The following HECW2 variants were observed in gnomAD, a reference collection of about 807,000 sequenced individuals.
The protein encoded by HECW2 is E3 ubiquitin-protein ligase HECW2.
In HECW2, 61 loss-of-function variants were observed where a neutral mutation model predicts 175.2. The observed-to-expected ratio is 0.35, with a 90% confidence interval of 0.28 to 0.43. The LOEUF is 0.43. HECW2 is among the 20% of genes least tolerant of loss of function. HECW2 has a pLI of 1.00. For missense variants in HECW2, 1,524 were observed against 2,000.5 expected (o/e 0.76, Z 4.54); for synonymous variants, 671 against 731.0 (o/e 0.92, Z 1.32).
At chr2:196,442,699 A>C (rs1696075124) in intron 1 of HECW2, among the ~76,000 whole-genome samples, 1 of 152,226 alleles carries the variant, frequency 6.6e-6, no homozygotes, top group Admixed American at 6.5e-5. Flanking sequence ...TTACATATAC[A>C]ATATAATTAA....
At chr2:196,391,953 T>G (rs1035443850) in intron 2 of HECW2, among the ~76,000 whole-genome samples, 5 of 152,182 alleles carry the variant, frequency 3.3e-5, no homozygotes, top group Admixed American at 2.6e-4. Context: ...TATCCTGTCC[T>G]CTTCTTTTAA....
intron 4 of HECW2, among the ~76,000 whole-genome samples, chr2:196,332,777 C>G (rs1692414227): frequency 6.6e-6 from 1 of 152,186 alleles, no homozygotes; most frequent in African/African-American, 2.4e-5. Context: ...CCCCACTCTT[C>G]TAGTTTTGTA....
At chr2:196,524,464 G>A (rs1354759470) in intron 1 of HECW2, among the ~76,000 whole-genome samples, 11 of 76,766 alleles carry the variant, frequency 1.4e-4, no homozygotes, top group Non-Finnish European at 2.3e-4. Context: ...GGTTTTTTGT[G>A]TCTCTATTTC....
At chr2:196,327,807 T>C (rs955389522) in intron 5 of HECW2, among the ~76,000 whole-genome samples, 1 of 152,162 alleles carries the variant, frequency 6.6e-6, no homozygotes, top group African/African-American at 2.4e-5. Context: ...AGGTGCGATG[T>C]TGGAAGAAAT....
intron 2 of HECW2, among the ~76,000 whole-genome samples, chr2:196,376,793 G>T (rs1174029974): frequency 6.6e-6 from 1 of 151,848 alleles, no homozygotes; most frequent in African/African-American, 2.4e-5. Flanking sequence ...AATTAGCCAG[G>T]TGTGGTGGCA....
intron 1 of HECW2, among the ~76,000 whole-genome samples, chr2:196,553,079 G>A (rs551776362): frequency 1.3e-5 from 2 of 152,192 alleles, no homozygotes; most frequent in Non-Finnish European, 2.9e-5. Context: ...TTTCTCACAG[G>A]CTTTTGTGTT....
intron 1 of HECW2, among the ~76,000 whole-genome samples, chr2:196,534,646 G>T (rs1688957006): frequency 6.6e-6 from 1 of 152,192 alleles, no homozygotes; most frequent in African/African-American, 2.4e-5. Flanking sequence ...ACGCAGGAGG[G>T]AGAGCTGGGG....
At chr2:196,431,043 A>G (rs928072726) in intron 2 of HECW2, among the ~76,000 whole-genome samples, 1 of 152,186 alleles carries the variant, frequency 6.6e-6, no homozygotes, top group African/African-American at 2.4e-5. Context: ...TAGCCAAAGG[A>G]GGGGAAAAAA....
intron 1 of HECW2, among the ~76,000 whole-genome samples, chr2:196,494,120 C>A (rs12328130): frequency 0.055 from 8,357 of 152,098 alleles, 783 homozygotes; most frequent in African/African-American, 0.19. Flanking sequence ...AAAGGAATCC[C>A]GAGCATAGGG....
At chr2:196,477,087 GAGCTGTGATTACACC>G (rs527640921) in intron 1 of HECW2, among the ~76,000 whole-genome samples, 86 of 151,022 alleles carry the variant, frequency 5.7e-4, no homozygotes, top group Non-Finnish European at 9.4e-4. Flanking sequence ...AGGTTAACAG[GAGCTGTGATTACACC>G]ACTGCACTCC....
At chr2:196,272,109 G>C (rs1689762689) in intron 16 of HECW2, among the ~76,000 whole-genome samples, 1 of 152,164 alleles carries the variant, frequency 6.6e-6, no homozygotes, top group South Asian at 2.1e-4. Flanking sequence ...TAAAGAGGCA[G>C]AACTCAATTT....
At chr2:196,592,022 G>A (rs1258799035) in intron 1 of HECW2, among the ~76,000 whole-genome samples, 1 of 152,148 alleles carries the variant, frequency 6.6e-6, no homozygotes, top group Non-Finnish European at 1.5e-5. Context: ...AGGAGAAATA[G>A]TAAAAAGAAA....
intron 15 of HECW2, among the ~76,000 whole-genome samples, chr2:196,276,535 G>A (rs1689963152): frequency 6.6e-6 from 1 of 152,168 alleles, no homozygotes; most frequent in African/African-American, 2.4e-5. Flanking sequence ...TAAGGTGAGT[G>A]GTTAAAGGGC....
chr2:196,400,063 AT>A (rs1199538648), intron 2 of HECW2, among the ~76,000 whole-genome samples: 3 of 152,222 alleles, frequency 2.0e-5, no homozygotes, highest in Admixed American at 1.3e-4. Context: ...GCATGGAGAA[AT>A]TTGTCTTATA....
chr2:196,527,500 C>T (rs989007104), intron 1 of HECW2, among the ~76,000 whole-genome samples: 1 of 152,296 alleles, frequency 6.6e-6, no homozygotes, highest in East Asian at 1.9e-4. Flanking sequence ...CTTGGCTCCT[C>T]GAATCCCTTC....
At chr2:196,209,544 AAG>A (rs1404544169) in intron 28 of HECW2, among the ~76,000 whole-genome samples, 1 of 152,184 alleles carries the variant, frequency 6.6e-6, no homozygotes, top group African/African-American at 2.4e-5. Flanking sequence ...AAAGGAGTTG[AAG>A]AGAGTCTTGG....
Position 196,198,553 on chromosome 2 carries a change from C to T in HECW2, c.*2724G>A, listed in dbSNP as rs1003273850. 1 of 152,214 alleles carries T rather than the reference C, an allele frequency of 6.6e-6. No individual in the cohort carries two copies. Among genetic ancestry groups the T allele is most frequent in the Admixed American group, 6.5e-5 (1 of 15,276 alleles). 9.4% of individuals were successfully genotyped at this position (152,214 alleles called of 1,614,324 possible). A position where few individuals can be genotyped will look rare whatever the true frequency, so the allele number is the denominator to read the frequency against. On this transcript the variant is annotated 3_prime_UTR_variant, in exon 29 of 29. Transcript: ENST00000644978. ...GCTCCATCGTCAAACAAACATCAAA[C>T]TGGCACAGAGGGAATGCCAATGATG... is the stretch of plus-strand genomic sequence containing the variant.
chr2:196,328,972 AT>A (rs1692256535), intron 5 of HECW2, among the ~76,000 whole-genome samples: 1 of 152,126 alleles, frequency 6.6e-6, no homozygotes, highest in Non-Finnish European at 1.5e-5. Flanking sequence ...CCCAAAAAAA[AT>A]CCCTTTAGTG....
chr2:196,539,848 G>GGTA (rs1689151652), intron 1 of HECW2, among the ~76,000 whole-genome samples: 1 of 152,146 alleles, frequency 6.6e-6, no homozygotes, highest in Admixed American at 6.5e-5. Context: ...AAAGTGAAGA[G>GGTA]GCTACCTCTG....
Sources: allele counts gnomAD v4.1 joint callset (sites outside exome capture counted in the v4.1 genomes callset), GRCh38; gene constraint gnomAD v4.1.1; transcripts MANE v1.5; gene names NCBI Gene and HGNC (gene_info 2026-07-23, HGNC 2026-07-21).